PDXK: variants seen among roughly 807,000 people sequenced by gnomAD.
The protein encoded by PDXK is epididymis secretory sperm binding protein Li 1a.
A neutral mutation model predicts 43.2 loss-of-function variants in PDXK; 15 were observed. That is an observed-to-expected ratio of 0.35 (90% CI 0.23 to 0.53). The LOEUF is 0.53. PDXK is among the 20% of genes least tolerant of loss of function. The pLI, the probability that PDXK is intolerant of heterozygous loss-of-function variation, is 0.92. For missense variants in PDXK, 343 were observed against 417.0 expected, an observed-to-expected ratio of 0.82 and a Z score of 1.54; for synonymous variants, 172 against 165.4, an observed-to-expected ratio of 1.04 and a Z score of -0.31.
At chr21:43,748,971 C>T (rs765431970) in intron 5 of PDXK, 24 bp from the exon 6 acceptor site, 15 of 1,475,652 alleles carry the variant, frequency 1.0e-5, no homozygotes, top group Non-Finnish European at 1.3e-5. Context: ...CTCAGCCTCT[C>T]CTCCTGTCTC....
intron 2 of PDXK, among the ~76,000 whole-genome samples, chr21:43,736,224 T>C (rs916801035): frequency 6.6e-6 from 1 of 152,230 alleles, no homozygotes; most frequent in African/African-American, 2.4e-5. Flanking sequence ...GTCCTGATTA[T>C]GCACAAAGAA....
At chr21:43,742,195 T>C (rs767449831) in intron 3 of PDXK, among the ~76,000 whole-genome samples, 1 of 152,180 alleles carries the variant, frequency 6.6e-6, no homozygotes, top group Non-Finnish European at 1.5e-5. Context: ...TATTATTATT[T>C]TTGAGACAGG....
intron 1 of PDXK, among the ~76,000 whole-genome samples, chr21:43,722,089 A>C (rs1052967025): frequency 6.6e-6 from 1 of 152,186 alleles, no homozygotes; most frequent in African/African-American, 2.4e-5. Flanking sequence ...AGTCAAGCAC[A>C]GACCTGCCCA....
At chr21:43,746,023 G>A (rs1469908347) in intron 4 of PDXK, 56 bp from the exon 5 acceptor site, 1 of 1,340,350 alleles carries the variant, frequency 7.5e-7, no homozygotes, top group Non-Finnish European at 1.1e-6. Flanking sequence ...AATGTGGAGG[G>A]TTTCTTACTC....
At chr21:43,752,186 T>G (rs1415505542) in intron 7 of PDXK, among the ~76,000 whole-genome samples, 1 of 152,044 alleles carries the variant, frequency 6.6e-6, no homozygotes, top group African/African-American at 2.4e-5. Flanking sequence ...CTACGAGAGT[T>G]ACAGAAAAGC....
chr21:43,746,978 A>AT (rs1338676765), intron 5 of PDXK: 1 of 152,152 alleles, frequency 6.6e-6, no homozygotes, highest in African/African-American at 2.4e-5. Context: ...TCTAATCAAA[A>AT]TACAAGACAA....
At chr21:43,733,821 C>T (rs1345979499) in intron 1 of PDXK, 1 of 710,038 alleles carries the variant, frequency 1.4e-6, no homozygotes, top group Admixed American at 3.0e-5. Context: ...GGGCGATGCC[C>T]TCCCGGGCTG....
At chr21:43,740,328 A>T (rs2083475266) in intron 2 of PDXK, among the ~76,000 whole-genome samples, 1 of 152,078 alleles carries the variant, frequency 6.6e-6, no homozygotes, top group Admixed American at 6.5e-5. Flanking sequence ...AATTCAGGGG[A>T]TCTTAGCCAC....
At chr21:43,747,363 C>T (rs945944440) in intron 5 of PDXK, among the ~76,000 whole-genome samples, 5 of 152,262 alleles carry the variant, frequency 3.3e-5, no homozygotes, top group African/African-American at 9.6e-5. Flanking sequence ...CCTTCTTTGT[C>T]GTTGTGTCTA....
At chr21:43,724,301 A>G (rs1048458950) in intron 1 of PDXK, among the ~76,000 whole-genome samples, 3 of 152,082 alleles carry the variant, frequency 2.0e-5, no homozygotes, top group African/African-American at 4.8e-5. Context: ...GGATGTCAGC[A>G]CCTGACTCCT....
At position 43,757,659 on chromosome 21, in the gene PDXK, AGCGTGCATCAGG is replaced by A. The variant is rs2083873421; in HGVS notation, c.*1600_*1611del. The A allele has an allele frequency of 6.7e-6, 1 of 150,134 alleles. No homozygotes were observed. Among genetic ancestry groups the A allele is most frequent in the East Asian group, 2.0e-4 (1 of 5,078 alleles). 9.3% of individuals were successfully genotyped at this position (150,134 alleles called of 1,614,324 possible). On this transcript the variant is annotated 3_prime_UTR_variant, in exon 11 of 11. Transcript: ENST00000291565. ...TCTGTTCGTTCTGAATGTCTTCACGAGCGTGCATCAGGGCGCCTGGCTCCCCCACCTCAGCCA... is the reference window on the plus strand; with the variant it reads ...TCTGTTCGTTCTGAATGTCTTCACGAGCGCCTGGCTCCCCCACCTCAGCCA...
At chr21:43,729,055 C>T in intron 1 of PDXK, 1 of 972,622 alleles carries the variant, frequency 1.0e-6, no homozygotes, top group East Asian at 1.2e-4. Flanking sequence ...GGGCAAAGCC[C>T]AGCCCCCCAC....
chr21:43,731,334 T>C (rs907439531), intron 1 of PDXK, among the ~76,000 whole-genome samples: 2 of 152,128 alleles, frequency 1.3e-5, no homozygotes, highest in African/African-American at 4.8e-5. Context: ...TCAATTAAAC[T>C]CTCCTGGATA....
intron 7 of PDXK, among the ~76,000 whole-genome samples, chr21:43,751,033 TC>T (rs2083742177): frequency 6.6e-6 from 1 of 152,146 alleles, no homozygotes. Flanking sequence ...GTGTGGGGGC[TC>T]CTGGGCATGT....
At chr21:43,743,374 G>A (rs1312429356) in intron 3 of PDXK, among the ~76,000 whole-genome samples, 1 of 65,344 alleles carries the variant, frequency 1.5e-5, no homozygotes, top group African/African-American at 7.0e-5. Flanking sequence ...CCCAGCTCCC[G>A]AGCACTGTGG....
At chr21:43,755,637 C>A in intron 9 of PDXK, 61 bp from the exon 10 acceptor site, 1 of 1,331,140 alleles carries the variant, frequency 7.5e-7, no homozygotes, top group Non-Finnish European at 1.1e-6. Flanking sequence ...CTCCTGGCAG[C>A]AGTGGGCACG....
rs144844600 is a variant in PDXK at position 43,736,539 on chromosome 21, C to G, written c.142+2416C>G. ...CCTAGGAGTTGAAGGTGGGGTTGCA[C>G]AGGCTGCGCCTGATTTGGCAGGGAG... On this transcript the variant is annotated intron_variant, in intron 2 of 10. Transcript: ENST00000291565. Among the ~76,000 whole-genome samples the G allele has an allele frequency of 2.8e-4, 42 of 152,298 alleles. 1 individual carries two copies. The highest frequency in any genetic ancestry group is 8.9e-4 in the African/African-American group (37 of 41,558).
At position 43,758,001 on chromosome 21, in the gene PDXK, T is replaced by C. The variant is rs1182000277; in HGVS notation, c.*1938T>C. The C allele has an allele frequency of 6.6e-6, 1 of 152,586 alleles. No individual in the cohort carries two copies. The highest frequency in any genetic ancestry group is 1.5e-5 in the Non-Finnish European group (1 of 67,970). 9.5% of individuals were successfully genotyped at this position (152,586 alleles called of 1,614,324 possible). On this transcript the variant is annotated 3_prime_UTR_variant, in exon 11 of 11. Coordinates refer to ENST00000291565, the MANE Select transcript of PDXK (RefSeq NM_003681.5). ...TTTTCTTTTTCTTTTTTTTTTTTTTTTAAACACCAAGAGCACGTATAGCAT... is the reference window on the plus strand; with the variant it reads ...TTTTCTTTTTCTTTTTTTTTTTTTTCTAAACACCAAGAGCACGTATAGCAT...
rs771757049 is a variant in PDXK, at chr21:43,735,058, G to A, written c.142+935G>A. 3.9e-5 allele frequency among the ~76,000 whole-genome samples: 6 copies of A among 152,226 alleles called. No homozygotes were observed. Among genetic ancestry groups the A allele is most frequent in the African/African-American group, 1.4e-4 (6 of 41,450 alleles). On this transcript the variant is annotated intron_variant, in intron 2 of 10. Transcript: ENST00000291565. The surrounding 1 kb of genome is among the most constrained non-coding windows in gnomAD (Gnocchi z 5.3). ...GCTAAGTGAGAGGAAAGAGTTGCTT[G>A]GCCGGTGCAGACGGACAGGCTCCAG... is the stretch of plus-strand genomic sequence containing the variant.
Sources: allele counts gnomAD v4.1 joint callset (sites outside exome capture counted in the v4.1 genomes callset), GRCh38; gene constraint gnomAD v4.1.1; non-coding constraint Gnocchi (gnomAD v3.1); transcripts MANE v1.5; gene names NCBI Gene and HGNC (gene_info 2026-07-23, HGNC 2026-07-21).